Variants in CTSC observed in about 807,000 individuals in gnomAD.
CTSC encodes the protein cathepsin C, also known as dipeptidyl peptidase 1.
A neutral mutation model predicts 40.9 loss-of-function variants in CTSC; 37 were observed. The observed-to-expected ratio is 0.91, with a 90% CI of 0.70 to 1.19. CTSC has a LOEUF of 1.19. Among genes scored for constraint, CTSC ranks in the 50% most tolerant of loss-of-function variants. The pLI, the probability that CTSC is intolerant of heterozygous loss-of-function variation, is 0.00. For missense variants in CTSC, 594 were observed against 567.3 expected (o/e 1.05, Z -0.48); for synonymous variants, 232 against 207.4 (o/e 1.12, Z -1.02).
intron 4 of CTSC, among the ~76,000 whole-genome samples, chr11:88,308,370 T>C (rs537685630): frequency 6.6e-5 from 10 of 151,694 alleles, no homozygotes; most frequent in Middle Eastern, 3.4e-3. Context: ...TTATAAGACA[T>C]GCAACTCCAT....
intron 2 of CTSC, among the ~76,000 whole-genome samples, chr11:88,333,885 A>G (rs1005180633): frequency 7.3e-6 from 1 of 136,522 alleles, no homozygotes; most frequent in Non-Finnish European, 1.8e-5. Flanking sequence ...TCTCTATTTC[A>G]TCTTTTTTTT....
intron 2 of CTSC, chr11:88,324,353 C>T: frequency 1.0e-6 from 1 of 979,902 alleles, no homozygotes; most frequent in Non-Finnish European, 1.2e-6. Context: ...ATATCAGTTG[C>T]TTTGGTTATA....
At chr11:88,334,112 T>TAAA (rs1344113528) in intron 2 of CTSC, among the ~76,000 whole-genome samples, 1 of 152,222 alleles carries the variant, frequency 6.6e-6, no homozygotes, top group Non-Finnish European at 1.5e-5. Flanking sequence ...CCAGATGTTT[T>TAAA]AAAGGCTGTA....
intron 4 of CTSC, among the ~76,000 whole-genome samples, chr11:88,301,742 C>T (rs554113670): frequency 5.9e-5 from 9 of 152,088 alleles, no homozygotes; most frequent in Admixed American, 5.2e-4. Flanking sequence ...GAAAATTGTT[C>T]TAACAGCTTC....
rs764277281 is a variant in CTSC at position 88,337,651 on chromosome 11, G to A, written c.22C>T (p.Leu8=). Residue 8 remains leucine (L), a synonymous_variant, in exon 1 of 7, where the codon CTG becomes TTG. Transcript: ENST00000227266. The part of the protein sequence containing the change: MGAGPSL[L]LAALLLLLSG... The stretch of plus-strand genomic sequence containing the variant: ...AGAAGCAGCAGGAGGGCGGCGAGCA[G>A]CAAGGAGGGCCCAGCACCCATGCTG... 2.3e-5 allele frequency: 36 copies of A among 1,581,312 alleles called. No homozygotes were observed. Among genetic ancestry groups the A allele is most frequent in the East Asian group, 4.6e-5 (2 of 43,214 alleles).
chr11:88,294,383 G>T lies in CTSC; in HGVS notation c.1015C>A (p.Arg339Ser). Reference protein sequence around the residue: ...SPCKMKEDCFRYYSSEYHYVG... With the variant: ...SPCKMKEDCFSYYSSEYHYVG... ...TAGTGGTACTCAGAGGAGTAATAAC[G>T]AAAGCAGTCTTCCTTCATTTTGCAT... Residue 339 changes from arginine (R) to serine (S), a missense_variant, in exon 7 of 7, where the codon CGT becomes AGT. Arg to Ser is a moderately radical substitution (Grantham distance 110, BLOSUM62 -1). Transcript: ENST00000227266. 1.2e-6 allele frequency: 2 copies of T among 1,614,098 alleles called. No individual in the cohort carries two copies. The highest frequency in any genetic ancestry group is 1.7e-6 in the Non-Finnish European group (2 of 1,180,004).
chr11:88,312,011 T>A (rs1208018972), intron 3 of CTSC, among the ~76,000 whole-genome samples: 1 of 152,214 alleles, frequency 6.6e-6, no homozygotes, highest in African/African-American at 2.4e-5. Flanking sequence ...TTATTTATGG[T>A]CTTGTTTAAA....
rs1217531825 is a variant in CTSC at position 88,337,733 on chromosome 11, C to A, written c.-61G>T. ...CAGGAAGCCGAGCGCTGCGGGCTAG[C>A]GGTGAGTCCACCACGAGGCGCGCGC... On this transcript the variant is annotated 5_prime_UTR_variant, in exon 1 of 7. Transcript: ENST00000227266. 1 of 1,539,344 alleles carries A rather than the reference C, an allele frequency of 6.5e-7. No homozygotes were observed. The highest frequency in any genetic ancestry group is 2.0e-5 in the Admixed American group (1 of 51,020).
At chr11:88,298,258 A>G (rs1944319401) in intron 5 of CTSC, 1 of 152,216 alleles carries the variant, frequency 6.6e-6, no homozygotes, top group African/African-American at 2.4e-5. Context: ...TCTCTTAAAA[A>G]TACAATAATA....
At chr11:88,315,365 T>C (rs142588286) in intron 2 of CTSC, among the ~76,000 whole-genome samples, 1 of 151,878 alleles carries the variant, frequency 6.6e-6, no homozygotes, top group Non-Finnish European at 1.5e-5. Flanking sequence ...ATAAAAACAA[T>C]AGAATGTCCT....
chr11:88,335,088 GAAA>G lies in CTSC; in HGVS notation c.173-9_173-7del, dbSNP rs11326739. The G allele has an allele frequency of 5.5e-5, 68 of 1,227,488 alleles. 1 individual carries two copies. Among genetic ancestry groups the G allele is most frequent in the Admixed American group, 8.5e-5 (4 of 46,920 alleles). The allele number at this position is 1,227,488 out of a possible 1,614,324, so 76.0% of individuals were successfully genotyped here. Reference sequence around the variant, plus strand: ...TACTTTTTTTTCTTGTGGTCCTAAAGAAAAAAAAAAAAAGCACAATAAAGGAAA... The same window carrying G: ...TACTTTTTTTTCTTGTGGTCCTAAAGAAAAAAAAAAGCACAATAAAGGAAA... On this transcript the variant is annotated splice_polypyrimidine_tract_variant and splice_region_variant and intron_variant, in intron 1 of 6. Transcript: ENST00000227266.
intron 2 of CTSC, chr11:88,328,011 C>A: frequency 1.2e-6 from 1 of 806,070 alleles, no homozygotes; most frequent in South Asian, 1.4e-5. Context: ...TCTCTCCAGT[C>A]ACCCTCTGAT....
chr11:88,306,861 A>C (rs1158307242), intron 4 of CTSC, among the ~76,000 whole-genome samples: 1 of 152,186 alleles, frequency 6.6e-6, no homozygotes, highest in East Asian at 1.9e-4. Flanking sequence ...GCACACTGTA[A>C]CACATGCCCA....
At chr11:88,333,388 G>A (rs931253843) in intron 2 of CTSC, among the ~76,000 whole-genome samples, 3 of 152,118 alleles carry the variant, frequency 2.0e-5, no homozygotes, top group Non-Finnish European at 4.4e-5. Flanking sequence ...TTGACTAGGT[G>A]TCTATTGTGT....
In CTSC at chr11:88,315,811, T is replaced by C. The variant is rs753355055; in HGVS notation, c.319-3257A>G. On this transcript the variant is annotated intron_variant, in intron 2 of 6. Coordinates refer to ENST00000227266, the MANE Select transcript of CTSC (RefSeq NM_001814.6). Reference sequence around the variant, plus strand: ...AATTACTAAAATCACTGACGGGAGATACCCAGAAATGACAGAAAAGGCTTT... The same window carrying C: ...AATTACTAAAATCACTGACGGGAGACACCCAGAAATGACAGAAAAGGCTTT... Among the ~76,000 whole-genome samples, 8 of 152,124 alleles carry C rather than the reference T, an allele frequency of 5.3e-5. No individual in the cohort carries two copies. The East Asian group carries it at 5.8e-4, about 11-fold the overall frequency.
chr11:88,296,528 A>C (rs1767950149), intron 5 of CTSC: 1 of 398,910 alleles, frequency 2.5e-6, no homozygotes, highest in South Asian at 2.1e-5. Flanking sequence ...AAAACCCCTC[A>C]TAATTTCTGA....
chr11:88,294,268 T>G lies in CTSC; in HGVS notation c.1130A>C (p.Tyr377Ser). The G allele has an allele frequency of 6.2e-7, 1 of 1,614,098 alleles. No homozygotes were observed. Among genetic ancestry groups the G allele is most frequent in the South Asian group, 1.1e-5 (1 of 91,080 alleles). Residue 377 changes from tyrosine to serine, a missense_variant, in exon 7 of 7, where the codon TAT becomes TCT. Coordinates refer to ENST00000227266, the MANE Select transcript of CTSC (RefSeq NM_001814.6). ...CTTTTTGTAGTGGAGGAAGTCATCA[T>G]ATACTTCAAAAGCAACTGCCATGGG... ...HGPMAVAFEV[Y>S]DDFLHYKKGI...
In CTSC at chr11:88,307,173, T is replaced by C. The variant is rs192842171; in HGVS notation, c.641+1990A>G. On this transcript the variant is annotated intron_variant, in intron 4 of 6. Transcript: ENST00000227266. Reference sequence around the variant, plus strand: ...ACAGATATTAGAGGATTAAACATTGTATTCTCTGAGAATTTGAGGCTATTT... The same window carrying C: ...ACAGATATTAGAGGATTAAACATTGCATTCTCTGAGAATTTGAGGCTATTT... 2.7e-3 allele frequency among the ~76,000 whole-genome samples: 411 copies of C among 151,758 alleles called. 2 individuals carry two copies. Among genetic ancestry groups the C allele is most frequent in the African/African-American group, 9.5e-3 (393 of 41,500 alleles).
intron 4 of CTSC, among the ~76,000 whole-genome samples, chr11:88,301,799 AACACACGCGCGCACACACACACACAC>A (rs1944364982): frequency 1.1e-5 from 1 of 94,626 alleles, no homozygotes. Flanking sequence ...CACACACACA[AACACACGCGCGCACACACACACACAC>A]ACACACACAC....
Sources: gnomAD v4.1 joint callset for allele counts (sites outside exome capture counted in the v4.1 genomes callset) on GRCh38, gnomAD v4.1.1 for gene constraint, MANE v1.5 for transcripts, NCBI Gene and HGNC (gene_info 2026-07-23, HGNC 2026-07-21) for gene names.